Variants in QRICH2 observed in about 807,000 individuals in gnomAD.
QRICH2 encodes the protein glutamine-rich protein 2.
QRICH2 carries 119 observed loss-of-function variants against 168.3 expected under a neutral mutation model. The observed-to-expected ratio is 0.71, with a 90% confidence interval of 0.61 to 0.82. The LOEUF (loss-of-function observed/expected upper bound fraction) is 0.82, where lower values mean the gene tolerates loss of function less well. Ranked by LOEUF, QRICH2 falls within the 40% of genes least tolerant of loss-of-function variation. The probability of loss-of-function intolerance (pLI) is 0.00; values close to 1 mark genes in which losing one functional copy is unlikely to be tolerated. For missense variants in QRICH2, 2,241 were observed against 2,491.6 expected, an observed-to-expected ratio of 0.90 and a Z score of 2.14; for synonymous variants, 894 against 951.2, an observed-to-expected ratio of 0.94 and a Z score of 1.11.
At chr17:76,290,152 G>GT (rs2070962725) in intron 4 of QRICH2, 75 bp from the exon 5 acceptor site, 2 of 1,088,700 alleles carry the variant, frequency 1.8e-6, no homozygotes. Context: ...TCCAGCCCCT[G>GT]TAACACTGAA....
At chr17:76,285,194 C>T (rs1181021431) in intron 7 of QRICH2, among the ~76,000 whole-genome samples, 7 of 151,796 alleles carry the variant, frequency 4.6e-5, no homozygotes, top group African/African-American at 1.2e-4. Context: ...GTGCATGGTG[C>T]GATCTCAGCT....
chr17:76,309,377 A>AAAAGAAACC (rs1476876544), upstream of QRICH2: 6 of 151,750 alleles, frequency 4.0e-5, no homozygotes, highest in African/African-American at 1.5e-4. Context: ...AAAAGAAAAG[A>AAAAGAAACC]AAAGAAACCA....
Position 76,281,768 on chromosome 17 carries a change from A to C in QRICH2, c.4263+96T>G, listed in dbSNP as rs77936483. On this transcript the variant is annotated intron_variant, in intron 8 of 18. Transcript: ENST00000680821. The surrounding 1 kb of genome is among the most constrained non-coding windows in gnomAD (Gnocchi z 4.4). ...CCACGGAGAGCTGACCTTGAGGCCCAAACACCCGCCCCACTTCTGTGGGTC... is the reference window on the plus strand; with the variant it reads ...CCACGGAGAGCTGACCTTGAGGCCCCAACACCCGCCCCACTTCTGTGGGTC... 2.9e-4 allele frequency: 438 copies of C among 1,512,188 alleles called. 3 individuals are homozygous for C. In the East Asian group the frequency reaches 9.8e-3, roughly 34 times the overall value. 93.7% of individuals were successfully genotyped at this position (1,512,188 alleles called of 1,614,324 possible).
intron 12 of QRICH2, among the ~76,000 whole-genome samples, chr17:76,279,701 C>T (rs2070751343): frequency 6.6e-6 from 1 of 152,188 alleles, no homozygotes; most frequent in South Asian, 2.1e-4. Context: ...GGAATTCAAG[C>T]CTACCACGGG....
intron 7 of QRICH2, among the ~76,000 whole-genome samples, chr17:76,285,023 T>C (rs1455226951): frequency 2.0e-5 from 3 of 150,526 alleles, no homozygotes; most frequent in African/African-American, 7.3e-5. Context: ...GGCGCGATCA[T>C]GGCTCACTGC....
At chr17:76,309,354 T>TC (rs1402994965), upstream of QRICH2, 1 of 113,318 alleles carries the variant, frequency 8.8e-6, no homozygotes, top group Admixed American at 8.3e-5. Context: ...AGACTCTGTC[T>TC]CAAAAAAAAA....
intron 17 of QRICH2, among the ~76,000 whole-genome samples, chr17:76,276,370 G>A (rs1275516713): frequency 6.6e-6 from 1 of 152,214 alleles, no homozygotes; most frequent in Non-Finnish European, 1.5e-5. Flanking sequence ...GAGTTTTGAA[G>A]GAGGAGGAGG....
At chr17:76,308,809 G>A (rs1426362804), upstream of QRICH2, among the ~76,000 whole-genome samples, 5 of 151,898 alleles carry the variant, frequency 3.3e-5, no homozygotes, top group African/African-American at 1.2e-4. Flanking sequence ...GCAATGGCAC[G>A]ATCTCGGCTC....
At chr17:76,310,506 C>A (rs1290720603), upstream of QRICH2, 1 of 151,476 alleles carries the variant, frequency 6.6e-6, no homozygotes, top group East Asian at 1.9e-4. Context: ...TGCTCTGTCA[C>A]CCAGGATGGA....
At chr17:76,298,211 TCTCA>T (rs1163241737) in intron 3 of QRICH2, among the ~76,000 whole-genome samples, 1 of 108,808 alleles carries the variant, frequency 9.2e-6, no homozygotes, top group Non-Finnish European at 1.7e-5. Context: ...TGAGACGGAG[TCTCA>T]CTCTGTCACC....
chr17:76,296,777 C>CAAAAAAA (rs758967969), intron 3 of QRICH2, among the ~76,000 whole-genome samples: 1 of 90,822 alleles, frequency 1.1e-5, no homozygotes. Context: ...GGCTCTGTCT[C>CAAAAAAA]AAAAAAAAAA....
chr17:76,274,300 C>G (rs2070633050), intron 18 of QRICH2, 40 bp from the exon 19 acceptor site: 1 of 1,559,170 alleles, frequency 6.4e-7, no homozygotes, highest in African/African-American at 1.4e-5. Context: ...ACACATTCCC[C>G]AAGCCCACCA....
rs1276387837 is a variant in QRICH2, at chr17:76,281,767, C to G, written c.4263+97G>C. On this transcript the variant is annotated intron_variant, in intron 8 of 18. Transcript: ENST00000680821. The surrounding 1 kb of genome is among the most constrained non-coding windows in gnomAD (Gnocchi z 4.4). ...GCCACGGAGAGCTGACCTTGAGGCC[C>G]AAACACCCGCCCCACTTCTGTGGGT... 6.6e-7 allele frequency: 1 copy of G among 1,507,136 alleles called. No individual in the cohort carries two copies. The highest frequency in any genetic ancestry group is 1.4e-5 in the African/African-American group (1 of 72,890). The allele number at this position is 1,507,136 out of a possible 1,614,324, so 93.4% of individuals were successfully genotyped here.
intron 3 of QRICH2, among the ~76,000 whole-genome samples, chr17:76,295,280 A>C (rs1047179931): frequency 5.3e-5 from 8 of 151,888 alleles, no homozygotes; most frequent in Non-Finnish European, 1.2e-4. Flanking sequence ...AAATAAAATA[A>C]AATAAAATAT....
At chr17:76,300,972 T>C (rs866282419) in intron 3 of QRICH2, among the ~76,000 whole-genome samples, 1 of 152,008 alleles carries the variant, frequency 6.6e-6, no homozygotes, top group South Asian at 2.1e-4. Flanking sequence ...GAGAATCACT[T>C]GAGCTCGGGA....
rs2070975730 is a variant in QRICH2 at position 76,290,982 on chromosome 17, A to G, written c.3712+33T>C. On this transcript the variant is annotated intron_variant, in intron 4 of 18. Transcript: ENST00000680821. ...ATGAAACCAACTGAAAACAGAGACA[A>G]TGGTTTCTCCTCTATCGGCAAGCGG... The G allele has an allele frequency of 3.8e-6, 6 of 1,593,504 alleles. No homozygotes were observed. The African/African-American group carries it at 4.0e-5, about 11-fold the overall frequency.
Position 76,291,382 on chromosome 17 carries a change from G to A in QRICH2, c.3345C>T (p.Gly1115=), listed in dbSNP as rs1334217746. ...GCTGATCAGCACTTAGATACCCTGG[G>A]CCACGATAACCAGGATACATTGAAT... ...SHDSMYPGYR[G]PGYLSADQHG... is the part of the protein sequence containing the mutation. The change falls in exon 4 of 19, where the codon GGC becomes GGT. Residue 1115 remains glycine, a synonymous_variant. Coordinates refer to ENST00000680821, the MANE Select transcript of QRICH2 (RefSeq NM_001388453.1). 6.2e-7 allele frequency: 1 copy of A among 1,613,934 alleles called. No individual in the cohort carries two copies. Among genetic ancestry groups the A allele is most frequent in the South Asian group, 1.1e-5 (1 of 91,086 alleles).
intron 14 of QRICH2, among the ~76,000 whole-genome samples, chr17:76,278,506 T>C (rs1024632337): frequency 3.3e-5 from 5 of 152,352 alleles, no homozygotes; most frequent in African/African-American, 4.8e-5. Flanking sequence ...CTAGCATACC[T>C]GGAACCCACA....
At position 76,280,094 on chromosome 17, in the gene QRICH2, G is replaced by A. The variant is rs765287530; in HGVS notation, c.4687C>T (p.Arg1563Ter). The change falls in exon 12 of 19, where the codon CGA (arginine) becomes TGA (stop). Residue 1563 changes from arginine to a stop codon, truncating the protein, a stop_gained. Transcript: ENST00000680821. LOFTEE classifies it high-confidence loss of function. This position sits in a 1 kb window ranked among gnomAD's most constrained non-coding sequence, Gnocchi z 7.4. ...GGGGGGCGCTCCCTGAGCTGCTGTC[G>A]CAGCGATTTCCACCGATCCTCCAGC... ...QLLEDRWKSLRQQLRERPPLY... is the reference protein window; with the variant it reads ...QLLEDRWKSL 28 of 1,613,676 alleles carry A rather than the reference G, an allele frequency of 1.7e-5. No homozygotes were observed. Among genetic ancestry groups the A allele is most frequent in the South Asian group, 2.2e-5 (2 of 91,088 alleles).
Sources: gnomAD v4.1 joint callset for allele counts (sites outside exome capture counted in the v4.1 genomes callset) on GRCh38, gnomAD v4.1.1 for gene constraint, Gnocchi (gnomAD v3.1) non-coding constraint, MANE v1.5 for transcripts, NCBI Gene and HGNC (gene_info 2026-07-23, HGNC 2026-07-21) for gene names.